The following NR6A1 variants were observed in gnomAD, a reference collection of about 807,000 sequenced individuals.
The protein encoded by NR6A1 is nuclear receptor subfamily 6 group A member 1, also known as retinoic acid receptor-related testis-associated receptor.
NR6A1 carries 7 observed loss-of-function variants against 59.1 expected under a neutral mutation model. The observed-to-expected ratio is 0.12, with a 90% CI of 0.07 to 0.22. The LOEUF (loss-of-function observed/expected upper bound fraction) is 0.22, where lower values mean the gene tolerates loss of function less well. Among genes scored for constraint, NR6A1 ranks in the 10% least tolerant of loss-of-function variants. NR6A1 has a pLI of 1.00. For synonymous variants in NR6A1, 243 were observed against 236.1 expected, an observed-to-expected ratio of 1.03 and a Z score of -0.27; for missense variants, 468 against 611.6, an observed-to-expected ratio of 0.77 and a Z score of 2.48.
chr9:124,544,128 C>T (rs1465783414), intron 3 of NR6A1, among the ~76,000 whole-genome samples: 2 of 152,228 alleles, frequency 1.3e-5, no homozygotes, highest in Non-Finnish European at 2.9e-5. Flanking sequence ...TAGCACTGCT[C>T]ACTAGTCCTT....
At chr9:124,658,930 T>C (rs547632668) in intron 2 of NR6A1, among the ~76,000 whole-genome samples, 1 of 152,194 alleles carries the variant, frequency 6.6e-6, no homozygotes, top group Non-Finnish European at 1.5e-5. Context: ...ATAACGCAGC[T>C]GGAGAGAGTT....
chr9:124,679,511 G>GT (rs1332730819), intron 2 of NR6A1, among the ~76,000 whole-genome samples: 1 of 152,104 alleles, frequency 6.6e-6, no homozygotes, highest in Non-Finnish European at 1.5e-5. Flanking sequence ...GCCAAAGAGG[G>GT]TACTATTTAA....
Position 124,665,659 on chromosome 9 carries a change from C to T in NR6A1, c.142+67649G>A, listed in dbSNP as rs565078619. ...TCCTTCCTGAAGACTATGTTCTCAG[C>T]AGTTACCATTTCCTTTAATGACACA... On this transcript the variant is annotated intron_variant, in intron 2 of 9. Coordinates refer to ENST00000487099, the MANE Select transcript of NR6A1 (RefSeq NM_033334.4). 5.3e-5 allele frequency among the ~76,000 whole-genome samples: 8 copies of T among 152,282 alleles called. 1 individual carries two copies. The South Asian group carries it at 1.7e-3, about 32-fold the overall frequency.
At chr9:124,710,508 C>A (rs1024873149) in intron 2 of NR6A1, among the ~76,000 whole-genome samples, 1 of 152,176 alleles carries the variant, frequency 6.6e-6, no homozygotes, top group African/African-American at 2.4e-5. Flanking sequence ...GAGCCTCAGC[C>A]TAAGGCTATT....
chr9:124,603,001 CACTT>C (rs1054622692), intron 2 of NR6A1, among the ~76,000 whole-genome samples: 1 of 152,178 alleles, frequency 6.6e-6, no homozygotes, highest in African/African-American at 2.4e-5. Context: ...TTTCCACTCC[CACTT>C]ACTAATCTTA....
At position 124,518,569 on chromosome 9, in the gene NR6A1, C is replaced by T. The variant is rs1413474024; in HGVS notation, c.*4136G>A. On this transcript the variant is annotated 3_prime_UTR_variant, in exon 10 of 10. Coordinates refer to ENST00000487099, the MANE Select transcript of NR6A1 (RefSeq NM_033334.4). ...ACTTGGTGGAATGACTGCCGTTTCT[C>T]ATCCTGACACACAGATAAAACATCA... 3.9e-5 allele frequency: 6 copies of T among 152,088 alleles called. No individual in the cohort carries two copies. The highest frequency in any genetic ancestry group is 8.8e-5 in the Non-Finnish European group (6 of 68,030). 9.4% of individuals were successfully genotyped at this position (152,088 alleles called of 1,614,324 possible). A position where few individuals can be genotyped will look rare whatever the true frequency, so the allele number is the denominator to read the frequency against.
chr9:124,746,150 C>T (rs1840327780), intron 1 of NR6A1, among the ~76,000 whole-genome samples: 1 of 152,156 alleles, frequency 6.6e-6, no homozygotes, highest in Non-Finnish European at 1.5e-5. Context: ...ATCTTTCTTA[C>T]ATACTAGTCA....
chr9:124,658,099 G>A lies in NR6A1; in HGVS notation c.142+75209C>T, dbSNP rs545548624. On this transcript the variant is annotated intron_variant, in intron 2 of 9. Transcript: ENST00000487099. ...GGTGATTTAGGATTCAGGAAAAATC[G>A]GCTGCCTATTTGTATTTCAGAAAGA... 2.9e-4 allele frequency among the ~76,000 whole-genome samples: 44 copies of A among 152,148 alleles called. No individual in the cohort carries two copies. In the South Asian group the frequency reaches 8.5e-3, roughly 29 times the overall value.
rs758818624 is a variant in NR6A1 at position 124,538,214 on chromosome 9, G to C, written c.702C>G (p.Gly234=). 6.2e-7 allele frequency: 1 copy of C among 1,614,196 alleles called. No homozygotes were observed. ...QYIPHLFSYS[G]HSPLLPQQAR... ...CTTGTTGGGGCAGAAGTGGTGAGTG[G>C]CCAGAATAGCTAAAAAGGTGCGGTA... Residue 234 remains glycine (G), a synonymous_variant, in exon 6 of 10, where the codon GGC becomes GGG. Coordinates refer to ENST00000487099, the MANE Select transcript of NR6A1 (RefSeq NM_033334.4).
intron 2 of NR6A1, among the ~76,000 whole-genome samples, chr9:124,697,675 T>TA (rs1838812213): frequency 6.8e-6 from 1 of 148,002 alleles, no homozygotes; most frequent in South Asian, 2.1e-4. Context: ...AAGGTAGGAT[T>TA]TAAAAAAAAA....
At chr9:124,695,102 T>C (rs1838702212) in intron 2 of NR6A1, among the ~76,000 whole-genome samples, 1 of 152,166 alleles carries the variant, frequency 6.6e-6, no homozygotes, top group African/African-American at 2.4e-5. Context: ...CACCACCACA[T>C]TTCATGTCAT....
At chr9:124,625,964 T>C (rs1836230889) in intron 2 of NR6A1, among the ~76,000 whole-genome samples, 1 of 152,202 alleles carries the variant, frequency 6.6e-6, no homozygotes, top group Non-Finnish European at 1.5e-5. Flanking sequence ...ATGGCTTTCT[T>C]GGGTCTCCAA....
At chr9:124,638,161 C>G (rs1836670323) in intron 2 of NR6A1, among the ~76,000 whole-genome samples, 1 of 151,400 alleles carries the variant, frequency 6.6e-6, no homozygotes. Context: ...GAGGCTAAAG[C>G]AGAAGGATTG....
chr9:124,583,565 T>C lies in NR6A1; in HGVS notation c.143-28995A>G, dbSNP rs193297666. 4.3e-4 allele frequency among the ~76,000 whole-genome samples: 65 copies of C among 152,226 alleles called. 1 individual carries two copies. The highest frequency in any genetic ancestry group is 7.8e-4 in the Admixed American group (12 of 15,296). ...GGAATGTGAGGGGGGCTCTCTTCTG[T>C]TTAGGGGCAGGGGCATCCACTCACA... On this transcript the variant is annotated intron_variant, in intron 2 of 9. Coordinates refer to ENST00000487099, the MANE Select transcript of NR6A1 (RefSeq NM_033334.4).
At chr9:124,766,219 C>G (rs570640385) in intron 1 of NR6A1, among the ~76,000 whole-genome samples, 1 of 152,250 alleles carries the variant, frequency 6.6e-6, no homozygotes, top group South Asian at 2.1e-4. Context: ...CCCTAGTTAT[C>G]GAAGGCATCC....
intron 2 of NR6A1, among the ~76,000 whole-genome samples, chr9:124,647,814 G>A (rs780897416): frequency 2.4e-4 from 37 of 151,634 alleles, no homozygotes; most frequent in Non-Finnish European, 1.3e-4. Context: ...GAAAGAGGCA[G>A]TAATAAAAAG....
Position 124,518,754 on chromosome 9 carries a change from T to TG in NR6A1, c.*3950dup, listed in dbSNP as rs1378886567. 1.3e-5 allele frequency: 2 copies of TG among 149,694 alleles called. No individual in the cohort carries two copies. Among genetic ancestry groups the TG allele is most frequent in the African/African-American group, 2.5e-5 (1 of 40,806 alleles). The allele number at this position is 149,694 out of a possible 1,614,324, so 9.3% of individuals were successfully genotyped here. ...TTTTTGTTAAATTTTGTTTGTTTTT[T>TG]GGGTTTTTTTTTTTTTTACTTTAAA... On this transcript the variant is annotated 3_prime_UTR_variant, in exon 10 of 10. Transcript: ENST00000487099.
At chr9:124,679,879 GGA>G (rs534459308) in intron 2 of NR6A1, among the ~76,000 whole-genome samples, 228 of 149,816 alleles carry the variant, frequency 1.5e-3, no homozygotes, top group Non-Finnish European at 2.7e-3. Context: ...CCTGGACAAC[GGA>G]GAGAGGTTCC....
chr9:124,582,039 G>T (rs1834787828), intron 2 of NR6A1, among the ~76,000 whole-genome samples: 1 of 152,166 alleles, frequency 6.6e-6, no homozygotes, highest in African/African-American at 2.4e-5. Context: ...CCAAGAACCA[G>T]AAATACCATT....
Sources: gnomAD v4.1 joint callset for allele counts (sites outside exome capture counted in the v4.1 genomes callset) on GRCh38, gnomAD v4.1.1 for gene constraint, MANE v1.5 for transcripts, NCBI Gene and HGNC (gene_info 2026-07-23, HGNC 2026-07-21) for gene names.